The following TDRD5 variants were observed in gnomAD, a reference collection of about 807,000 sequenced individuals.
TDRD5 encodes tudor domain-containing protein 5.
TDRD5 carries 41 observed loss-of-function variants against 120.6 expected under a neutral mutation model. The ratio of observed to expected loss-of-function variants is 0.34; its 90% confidence interval spans 0.26 to 0.44. TDRD5 has a LOEUF of 0.44. Among genes scored for constraint, TDRD5 ranks in the 20% least tolerant of loss-of-function variants. The pLI is 1.00. For synonymous variants in TDRD5, 430 were observed against 433.7 expected (o/e 0.99, Z 0.11); for missense variants, 1,006 against 1,221.2 (o/e 0.82, Z 2.63).
chr1:179,644,207 A>C (rs1373607984), intron 11 of TDRD5, among the ~76,000 whole-genome samples: 2 of 152,234 alleles, frequency 1.3e-5, no homozygotes, highest in African/African-American at 4.8e-5. Flanking sequence ...TCTACAGGAA[A>C]GAATGATGAT....
chr1:179,634,672 T>A (rs1458403805), intron 8 of TDRD5, 43 bp downstream of exon 8: 8 of 1,548,002 alleles, frequency 5.2e-6, no homozygotes, highest in Non-Finnish European at 6.9e-6. Flanking sequence ...TTCAGCATTA[T>A]GGAAAGTAAA....
Position 179,669,303 on chromosome 1 carries a change from CCAA to C in TDRD5, c.2765_2767del (p.Asn922del), listed in dbSNP as rs775373902. Reference sequence around the variant, plus strand: ...TCAGCAGACGGGAGCCAGTCTGAACCCAACAACAGTCAGACTCAGCCAAAGCAA... The same window carrying C: ...TCAGCAGACGGGAGCCAGTCTGAACCCAACAGTCAGACTCAGCCAAAGCAA... On this transcript the variant is annotated inframe_deletion, in exon 17 of 18. Transcript: ENST00000444136. 6.2e-7 allele frequency: 1 copy of C among 1,614,136 alleles called. No homozygotes were observed. The highest frequency in any genetic ancestry group is 1.1e-5 in the South Asian group (1 of 91,080).
intron 11 of TDRD5, among the ~76,000 whole-genome samples, chr1:179,645,622 CTT>C (rs1344073157): frequency 3.9e-5 from 6 of 152,060 alleles, no homozygotes; most frequent in Admixed American, 3.9e-4. Flanking sequence ...GTGTGAAACT[CTT>C]ATTCGTTCTG....
chr1:179,611,774 A>G (rs561352345), intron 4 of TDRD5, among the ~76,000 whole-genome samples: 27 of 152,282 alleles, frequency 1.8e-4, no homozygotes, highest in African/African-American at 5.5e-4. Context: ...ACTTTCTTCT[A>G]TCTTTTCTTT....
At chr1:179,646,844 T>A (rs1166939645) in intron 11 of TDRD5, among the ~76,000 whole-genome samples, 1 of 152,030 alleles carries the variant, frequency 6.6e-6, no homozygotes, top group South Asian at 2.1e-4. Context: ...TGAACTCCCA[T>A]CCACAATTGC....
intron 6 of TDRD5, among the ~76,000 whole-genome samples, chr1:179,621,421 AGG>A (rs1676837342): frequency 6.6e-6 from 1 of 152,100 alleles, no homozygotes; most frequent in Non-Finnish European, 1.5e-5. Context: ...AAATGCTCTT[AGG>A]GAGCATTTTG....
intron 6 of TDRD5, among the ~76,000 whole-genome samples, chr1:179,624,022 C>T (rs552323823): frequency 8.5e-5 from 13 of 152,204 alleles, no homozygotes; most frequent in African/African-American, 2.6e-4. Flanking sequence ...ACATGTTTCT[C>T]GTAACGTGGA....
At chr1:179,657,716 TTTA>T (rs1679080474) in intron 14 of TDRD5, among the ~76,000 whole-genome samples, 1 of 152,190 alleles carries the variant, frequency 6.6e-6, no homozygotes, top group Admixed American at 6.5e-5. Flanking sequence ...TGTGTGGATC[TTTA>T]TTTTCTTAGT....
chr1:179,644,221 G>A (rs1678214603), intron 11 of TDRD5, among the ~76,000 whole-genome samples: 1 of 152,078 alleles, frequency 6.6e-6, no homozygotes, highest in South Asian at 2.1e-4. Flanking sequence ...TGATGATTAT[G>A]GAAAATGGTT....
At chr1:179,652,601 A>G (rs1342743499) in intron 13 of TDRD5, among the ~76,000 whole-genome samples, 5 of 152,222 alleles carry the variant, frequency 3.3e-5, no homozygotes, top group Admixed American at 3.3e-4. Context: ...TAAGAACAAC[A>G]GCATTATTTA....
intron 17 of TDRD5, among the ~76,000 whole-genome samples, chr1:179,669,639 A>G (rs550264561): frequency 6.6e-6 from 1 of 152,196 alleles, no homozygotes; most frequent in Non-Finnish European, 1.5e-5. Context: ...TCCCATTTAT[A>G]TAGAGTAAAA....
intron 17 of TDRD5, 105 bp from the exon 18 acceptor site, chr1:179,690,591 A>C: frequency 6.8e-7 from 1 of 1,476,534 alleles, no homozygotes; most frequent in Non-Finnish European, 9.1e-7. Context: ...GCTACCTAAC[A>C]GAAAATGATT....
intron 11 of TDRD5, among the ~76,000 whole-genome samples, chr1:179,643,675 T>C (rs1332098466): frequency 2.0e-5 from 3 of 151,950 alleles, no homozygotes; most frequent in Non-Finnish European, 4.4e-5. Flanking sequence ...ATAATTAAAG[T>C]GAAAATGGAC....
intron 14 of TDRD5, among the ~76,000 whole-genome samples, chr1:179,655,834 C>T (rs1028578235): frequency 6.6e-6 from 1 of 152,258 alleles, no homozygotes; most frequent in Non-Finnish European, 1.5e-5. Flanking sequence ...AGGATAAATA[C>T]ACCACAGTTT....
In TDRD5 at chr1:179,616,359, A is replaced by G. The variant is rs138183598; in HGVS notation, c.832-2240A>G. ...TAGAATCAGTGATTCCTTCCTCTCC[A>G]TTGTCTTTCCTAATTTCTCTGGATT... is the stretch of plus-strand genomic sequence containing the variant. On this transcript the variant is annotated intron_variant, in intron 4 of 17. Coordinates refer to ENST00000444136, the MANE Select transcript of TDRD5 (RefSeq NM_001199085.3). 6.3e-3 allele frequency among the ~76,000 whole-genome samples: 952 copies of G among 151,654 alleles called. 16 individuals are homozygous for G. Among genetic ancestry groups the G allele is most frequent in the African/African-American group, 0.022 (915 of 41,350 alleles).
chr1:179,654,446 GT>G, intron 14 of TDRD5, 84 bp downstream of exon 14: 2 of 1,334,542 alleles, frequency 1.5e-6, no homozygotes. Flanking sequence ...AATAAACTCT[GT>G]TTAAACCCCA....
In TDRD5 at chr1:179,691,034, A is replaced by C; in HGVS notation, c.*91A>C. The C allele has an allele frequency of 6.8e-7, 1 of 1,477,850 alleles. No homozygotes were observed. 91.5% of individuals were successfully genotyped at this position (1,477,850 alleles called of 1,614,324 possible). On this transcript the variant is annotated 3_prime_UTR_variant, in exon 18 of 18. Coordinates refer to ENST00000444136, the MANE Select transcript of TDRD5 (RefSeq NM_001199085.3). ...AAATGAGGAGTTATTGAAGCAAAATAGTATCTTGATCATTGATACTTTTGT... is the reference window on the plus strand; with the variant it reads ...AAATGAGGAGTTATTGAAGCAAAATCGTATCTTGATCATTGATACTTTTGT...
At chr1:179,615,145 A>G (rs895027985) in intron 4 of TDRD5, among the ~76,000 whole-genome samples, 2 of 152,112 alleles carry the variant, frequency 1.3e-5, no homozygotes, top group Non-Finnish European at 2.9e-5. Flanking sequence ...CATTATAATA[A>G]TTGTAATTAC....
At chr1:179,605,626 G>T (rs1431235424) in intron 4 of TDRD5, among the ~76,000 whole-genome samples, 1 of 152,124 alleles carries the variant, frequency 6.6e-6, no homozygotes, top group East Asian at 1.9e-4. Context: ...CTGTTCATCT[G>T]TCTCGTCTCT....
Sources: allele counts gnomAD v4.1 joint callset (sites outside exome capture counted in the v4.1 genomes callset), GRCh38; gene constraint gnomAD v4.1.1; transcripts MANE v1.5; gene names NCBI Gene and HGNC (gene_info 2026-07-23, HGNC 2026-07-21).